ITGA9: variants seen among roughly 807,000 people sequenced by gnomAD.
ITGA9 encodes the protein integrin alpha-9.
In ITGA9, 56 loss-of-function variants were observed where a neutral mutation model predicts 127.8. The ratio of observed to expected loss-of-function variants is 0.44; its 90% CI spans 0.35 to 0.55. ITGA9 has a LOEUF of 0.55. ITGA9 is among the 20% of genes least tolerant of loss of function. ITGA9 has a pLI of 0.00. For synonymous variants in ITGA9, 508 were observed against 514.5 expected, an observed-to-expected ratio of 0.99 and a Z score of 0.17; for missense variants, 1,196 against 1,347.1, an observed-to-expected ratio of 0.89 and a Z score of 1.76.
chr3:37,542,373 C>T, intron 14 of ITGA9, 52 bp from the exon 15 acceptor site: 1 of 1,595,742 alleles, frequency 6.3e-7, no homozygotes, highest in Non-Finnish European at 8.6e-7. Context: ...GAGGTGGCCT[C>T]ATCACAGTGT....
At chr3:37,516,354 G>GTTTTGC (rs1698983567) in intron 9 of ITGA9, among the ~76,000 whole-genome samples, 1 of 152,094 alleles carries the variant, frequency 6.6e-6, no homozygotes. Context: ...TTGAATCTTG[G>GTTTTGC]TTTTGCCATG....
At chr3:37,740,552 C>G (rs1425559644) in intron 20 of ITGA9, among the ~76,000 whole-genome samples, 1 of 152,250 alleles carries the variant, frequency 6.6e-6, no homozygotes, top group East Asian at 1.9e-4. Context: ...TGAGAGAGCC[C>G]TAGTTTGAAG....
At chr3:37,781,239 C>T (rs1036002982) in intron 25 of ITGA9, among the ~76,000 whole-genome samples, 3 of 152,194 alleles carry the variant, frequency 2.0e-5, no homozygotes, top group Non-Finnish European at 2.9e-5. Context: ...CTAGGGACCT[C>T]GCTTTGGATG....
chr3:37,489,881 G>A (rs375760989), intron 4 of ITGA9, among the ~76,000 whole-genome samples: 8 of 152,084 alleles, frequency 5.3e-5, no homozygotes, highest in Non-Finnish European at 1.2e-4. Context: ...CTACTGAAGC[G>A]TGCGACTTGT....
intron 17 of ITGA9, among the ~76,000 whole-genome samples, chr3:37,660,592 G>C (rs991859298): frequency 6.6e-6 from 1 of 152,108 alleles, no homozygotes; most frequent in African/African-American, 2.4e-5. Context: ...ATCCTCTGTG[G>C]GCCCAGTAAT....
At chr3:37,503,082 G>A (rs1224365167) in intron 5 of ITGA9, 96 bp from the exon 6 acceptor site, 10 of 1,442,734 alleles carry the variant, frequency 6.9e-6, no homozygotes, top group African/African-American at 4.3e-5. Flanking sequence ...CTTGGTGTGA[G>A]GAATTTCTCC....
At chr3:37,537,715 G>A (rs1216355813) in intron 14 of ITGA9, among the ~76,000 whole-genome samples, 1 of 152,188 alleles carries the variant, frequency 6.6e-6, no homozygotes, top group Non-Finnish European at 1.5e-5. Flanking sequence ...CTCTCTTGCT[G>A]GCTTTTCTAG....
intron 15 of ITGA9, among the ~76,000 whole-genome samples, chr3:37,625,264 G>A (rs555888514): frequency 3.3e-5 from 5 of 152,240 alleles, no homozygotes; most frequent in Non-Finnish European, 7.4e-5. Context: ...GTTGCACTGC[G>A]TTGTCATCTC....
chr3:37,681,567 G>A (rs1462594808), intron 17 of ITGA9, among the ~76,000 whole-genome samples: 6 of 152,282 alleles, frequency 3.9e-5, no homozygotes, highest in East Asian at 1.9e-4. Context: ...CCCAAAACAC[G>A]AGGATGTCAG....
intron 14 of ITGA9, among the ~76,000 whole-genome samples, chr3:37,536,567 A>G (rs1402036147): frequency 1.3e-5 from 2 of 152,144 alleles, no homozygotes; most frequent in Non-Finnish European, 2.9e-5. Context: ...CTTCTTCTCT[A>G]CCTGGCAGGG....
At chr3:37,478,773 G>A (rs73826587) in intron 3 of ITGA9, among the ~76,000 whole-genome samples, 5 of 152,164 alleles carry the variant, frequency 3.3e-5, no homozygotes, top group African/African-American at 1.2e-4. Flanking sequence ...GAGACACTTT[G>A]CATTGTTTTC....
chr3:37,552,704 C>T (rs1215874356), intron 15 of ITGA9, among the ~76,000 whole-genome samples: 3 of 152,284 alleles, frequency 2.0e-5, no homozygotes, highest in East Asian at 3.9e-4. Context: ...CACACACACA[C>T]GTTTTTCGCA....
intron 16 of ITGA9, among the ~76,000 whole-genome samples, chr3:37,652,267 C>T (rs893560137): frequency 9.2e-5 from 14 of 152,188 alleles, no homozygotes. Flanking sequence ...GTCCTCAAAG[C>T]TCATAAAGCC....
At chr3:37,580,278 T>C (rs1378766399) in intron 15 of ITGA9, among the ~76,000 whole-genome samples, 1 of 152,208 alleles carries the variant, frequency 6.6e-6, no homozygotes, top group African/African-American at 2.4e-5. Context: ...GGAATCCTTC[T>C]GAAAATCTAG....
chr3:37,593,692 G>A (rs1244006204), intron 15 of ITGA9, among the ~76,000 whole-genome samples: 1 of 152,246 alleles, frequency 6.6e-6, no homozygotes, highest in East Asian at 1.9e-4. Context: ...TGAATGTGGT[G>A]TTGGAGGACA....
At chr3:37,797,900 G>A (rs1697192674) in intron 26 of ITGA9, among the ~76,000 whole-genome samples, 1 of 151,920 alleles carries the variant, frequency 6.6e-6, no homozygotes, top group African/African-American at 2.4e-5. Flanking sequence ...GGCCAGGCTG[G>A]CTTGAGCTCC....
At chr3:37,721,554 T>C (rs1359243071) in intron 18 of ITGA9, among the ~76,000 whole-genome samples, 2 of 152,208 alleles carry the variant, frequency 1.3e-5, no homozygotes, top group Non-Finnish European at 1.5e-5. Context: ...CTTAGAATAG[T>C]GTAGGCCTTG....
At chr3:37,473,673 A>G (rs1183914776) in intron 3 of ITGA9, among the ~76,000 whole-genome samples, 1 of 152,260 alleles carries the variant, frequency 6.6e-6, no homozygotes, top group Non-Finnish European at 1.5e-5. Context: ...CTATTGAAAA[A>G]TAAAACATAT....
At chr3:37,525,950 T>C in intron 12 of ITGA9, 76 bp from the exon 13 acceptor site, 1 of 1,221,894 alleles carries the variant, frequency 8.2e-7, no homozygotes, top group Non-Finnish European at 1.2e-6. Flanking sequence ...TCTCCATCCT[T>C]GTGAGCGCAT....
Sources: gnomAD v4.1 joint callset for allele counts (sites outside exome capture counted in the v4.1 genomes callset) on GRCh38, gnomAD v4.1.1 for gene constraint, MANE v1.5 for transcripts, NCBI Gene and HGNC (gene_info 2026-07-23, HGNC 2026-07-21) for gene names.